OARD1: variants seen among roughly 807,000 people sequenced by gnomAD.
OARD1 encodes the protein ADP-ribose glycohydrolase OARD1.
In OARD1, 19 loss-of-function variants were observed where a neutral mutation model predicts 19.7. That is an observed-to-expected ratio of 0.96 (90% CI 0.67 to 1.41). The LOEUF is 1.41. OARD1 is among the 40% of genes most tolerant of loss of function. OARD1 has a pLI of 0.00. For missense variants in OARD1, 190 were observed against 183.8 expected (o/e 1.03, Z -0.20); for synonymous variants, 70 against 61.8 (o/e 1.13, Z -0.62).
intron 1 of OARD1, chr6:41,089,838 G>T: frequency 7.6e-7 from 1 of 1,321,262 alleles, no homozygotes; most frequent in South Asian, 1.5e-5. Flanking sequence ...ATATATTTTT[G>T]GCCGGGCGCG....
At chr6:41,090,042 G>A (rs755160430) in intron 1 of OARD1, among the ~76,000 whole-genome samples, 38 of 152,128 alleles carry the variant, frequency 2.5e-4, no homozygotes, top group Non-Finnish European at 3.4e-4. Context: ...CCCAGGAGGC[G>A]GAGGTTGCAG....
rs1235141122 is a variant in OARD1, at chr6:41,091,829, A to G, written c.-42+5884T>C. The G allele has an allele frequency of 5.3e-6, 5 of 948,608 alleles. No homozygotes were observed. In the African/African-American group the frequency reaches 8.3e-5, roughly 16 times the overall value. The allele number at this position is 948,608 out of a possible 1,614,324, so 58.8% of individuals were successfully genotyped here. A position where few individuals can be genotyped will look rare whatever the true frequency, so the allele number is the denominator to read the frequency against. On this transcript the variant is annotated intron_variant, in intron 1 of 4. Transcript: ENST00000480585. ...GGCACTGTCGGTAATCTACTTTGAC[A>G]ATAACATTATGACAAACCATAATTC...
chr6:41,067,398 T>C lies in OARD1; in HGVS notation c.396A>G (p.Val132=). ...CAAATACCTCCTCGATCATCGCAGA[T>C]ACATTTTCCCATTGCAGACGATCAA... ...CGLDRLQWEN[V]SAMIEEVFEA... Residue 132 remains valine (V), a synonymous_variant, in exon 6 of 6, where the codon GTA becomes GTG. Coordinates refer to ENST00000424266, the MANE Select transcript of OARD1 (RefSeq NM_001329686.2). 1 of 1,613,842 alleles carries C rather than the reference T, an allele frequency of 6.2e-7. No individual in the cohort carries two copies. Among genetic ancestry groups the C allele is most frequent in the South Asian group, 1.1e-5 (1 of 91,078 alleles).
chr6:41,097,473 A>G (rs981151840), intron 1 of OARD1: 31 of 1,543,360 alleles, frequency 2.0e-5, no homozygotes, highest in African/African-American at 1.9e-4. Flanking sequence ...AAATTGATCA[A>G]CTCTTCCAAT....
intron 1 of OARD1, among the ~76,000 whole-genome samples, 169 bp downstream of exon 1, chr6:41,072,067 C>T (rs114645892): frequency 0.021 from 3,207 of 152,330 alleles, 103 homozygotes; most frequent in African/African-American, 0.073. Context: ...GGGACTTGGC[C>T]ACAGTCCCGT....
chr6:41,067,288 T>C lies in OARD1; in HGVS notation c.*47A>G. 7.8e-7 allele frequency: 1 copy of C among 1,276,232 alleles called. No individual in the cohort carries two copies. The highest frequency in any genetic ancestry group is 1.1e-6 in the Non-Finnish European group (1 of 877,412). The allele number at this position is 1,276,232 out of a possible 1,614,324, so 79.1% of individuals were successfully genotyped here. ...AGGTTTGCCCGGTCCTATGGCCCAG[T>C]AGAGATGACACAGGAGAACACGGAA... On this transcript the variant is annotated 3_prime_UTR_variant, in exon 6 of 6. Transcript: ENST00000424266.
intron 1 of OARD1, among the ~76,000 whole-genome samples, chr6:41,089,947 GT>G (rs1226252215): frequency 6.6e-6 from 1 of 151,896 alleles, no homozygotes; most frequent in Non-Finnish European, 1.5e-5. Context: ...GTGAAGCCCC[GT>G]CAAAATACAA....
At chr6:41,071,561 T>G (rs1429223816) in intron 2 of OARD1, 35 bp downstream of exon 2, 1 of 1,563,966 alleles carries the variant, frequency 6.4e-7, no homozygotes, top group Admixed American at 1.7e-5. Flanking sequence ...TATTACGAAT[T>G]TCAGTTCACC....
chr6:41,071,705 C>T, intron 1 of OARD1, 30 bp from the exon 2 acceptor site: 1 of 1,224,722 alleles, frequency 8.2e-7, no homozygotes, highest in Non-Finnish European at 1.2e-6. Flanking sequence ...AGTAAAAATG[C>T]TTAGGCAGCC....
intron 1 of OARD1, chr6:41,080,997 C>A: frequency 1.1e-6 from 1 of 875,760 alleles, no homozygotes; most frequent in South Asian, 1.5e-5. Context: ...ATGGCAAAGT[C>A]AGTTGCATGT....
At chr6:41,085,990 A>G (rs1480219082) in intron 1 of OARD1, among the ~76,000 whole-genome samples, 1 of 152,172 alleles carries the variant, frequency 6.6e-6, no homozygotes, top group African/African-American at 2.4e-5. Context: ...ATAGAATTGT[A>G]CTTGGGATTA....
At chr6:41,079,993 C>T (rs1251630437) in intron 1 of OARD1, among the ~76,000 whole-genome samples, 1 of 152,196 alleles carries the variant, frequency 6.6e-6, no homozygotes, top group Non-Finnish European at 1.5e-5. Context: ...TTTCCTTCAA[C>T]TGCCTTTTTA....
At chr6:41,082,201 A>G (rs770204149) in intron 1 of OARD1, among the ~76,000 whole-genome samples, 9 of 152,290 alleles carry the variant, frequency 5.9e-5, no homozygotes, top group South Asian at 2.1e-4. Context: ...CCCTGCCACC[A>G]ATAGTGTTTG....
chr6:41,085,822 T>C (rs931442093), intron 1 of OARD1, among the ~76,000 whole-genome samples: 4 of 152,188 alleles, frequency 2.6e-5, no homozygotes, highest in Admixed American at 1.3e-4. Flanking sequence ...TTATAAAATA[T>C]AGTTAAGGAT....
At chr6:41,068,476 A>C (rs909803421) in intron 5 of OARD1, among the ~76,000 whole-genome samples, 2 of 152,248 alleles carry the variant, frequency 1.3e-5, no homozygotes, top group African/African-American at 2.4e-5. Context: ...CAAGAGGAAA[A>C]CCACCATTGC....
rs1008874152 is a variant in OARD1 at position 41,066,342 on chromosome 6, C to G, written c.*993G>C. 1.3e-5 allele frequency: 2 copies of G among 152,078 alleles called. No individual in the cohort carries two copies. 9.4% of individuals were successfully genotyped at this position (152,078 alleles called of 1,614,324 possible). A position where few individuals can be genotyped will look rare whatever the true frequency, so the allele number is the denominator to read the frequency against. ...AGAGACAGGGTCTCGCTATGTTAAC[C>G]AGGTTTGTCTCAAACTCCTGGGCTC... is the stretch of plus-strand genomic sequence containing the variant. On this transcript the variant is annotated 3_prime_UTR_variant, in exon 6 of 6. Transcript: ENST00000424266.
chr6:41,071,090 C>T, intron 3 of OARD1, 42 bp downstream of exon 3: 1 of 1,600,340 alleles, frequency 6.2e-7, no homozygotes, highest in South Asian at 1.1e-5. Context: ...TTAAAAGGTG[C>T]TCTAGCCAGG....
intron 1 of OARD1, among the ~76,000 whole-genome samples, chr6:41,094,061 CT>C (rs940196078): frequency 4.7e-4 from 72 of 152,278 alleles, no homozygotes; most frequent in African/African-American, 1.7e-3. Flanking sequence ...CTAGGAAAGT[CT>C]TTTTACTGAA....
At position 41,068,851 on chromosome 6, in the gene OARD1, A is replaced by T; in HGVS notation, c.346T>A (p.Ser116Thr). ...HCLKNGVTDL[S>T]MPRIGCGLDR... is the part of the protein sequence containing the mutation. ...CATGGATTTCCTTGCCTGGGCATGG[A>T]GAGGTCAGTGACTCCATTCTTCAGA... Residue 116 changes from serine (S) to threonine (T), a missense_variant, in exon 5 of 6, where the codon TCC becomes ACC. Ser to Thr is a moderately conservative substitution (Grantham distance 58). Transcript: ENST00000424266. 1 of 1,565,434 alleles carries T rather than the reference A, an allele frequency of 6.4e-7. No homozygotes were observed. Among genetic ancestry groups the T allele is most frequent in the South Asian group, 1.1e-5 (1 of 87,510 alleles).
Sources: allele counts gnomAD v4.1 joint callset (sites outside exome capture counted in the v4.1 genomes callset), GRCh38; gene constraint gnomAD v4.1.1; transcripts MANE v1.5; gene names NCBI Gene and HGNC (gene_info 2026-07-23, HGNC 2026-07-21).